The following SH3KBP1 variants were observed in gnomAD, a reference collection of about 807,000 sequenced individuals.
SH3KBP1 encodes SH3 domain-containing kinase-binding protein 1.
SH3KBP1 carries 8 observed loss-of-function variants against 50.1 expected under a neutral mutation model. That is an observed-to-expected ratio of 0.16 (90% CI 0.09 to 0.29). The LOEUF (loss-of-function observed/expected upper bound fraction) is 0.29, where lower values mean the gene tolerates loss of function less well. Ranked by LOEUF, SH3KBP1 falls within the 10% of genes least tolerant of loss-of-function variation. The pLI, the probability that SH3KBP1 is intolerant of heterozygous loss-of-function variation, is 1.00. For missense variants in SH3KBP1, 377 were observed against 535.2 expected (o/e 0.70, Z 2.92); for synonymous variants, 227 against 218.6 (o/e 1.04, Z -0.34).
chrX:19,833,722 TC>T (rs765608398), intron 2 of SH3KBP1, among the ~76,000 whole-genome samples: 87 of 111,221 alleles, frequency 7.8e-4, no homozygotes, highest in African/African-American at 2.6e-3. Context: ...CTTCCCTCCT[TC>T]CCAGGGTCTT....
rs148984724 is a variant in SH3KBP1, at chrX:19,755,435, C to T, written c.163-8994G>A. Reference sequence around the variant, plus strand: ...AATATAACATAGCAAACAACAACAACGACAAAATTCATCAACGAAGACAAA... The same window carrying T: ...AATATAACATAGCAAACAACAACAATGACAAAATTCATCAACGAAGACAAA... On this transcript the variant is annotated intron_variant, in intron 2 of 17. Coordinates refer to ENST00000397821, the MANE Select transcript of SH3KBP1 (RefSeq NM_031892.3). 8.3e-3 allele frequency among the ~76,000 whole-genome samples: 922 copies of T among 111,304 alleles called. 14 individuals are homozygous for T. Among genetic ancestry groups the T allele is most frequent in the African/African-American group, 0.029 (883 of 30,615 alleles).
chrX:19,681,132 CA>C (rs998626655), intron 6 of SH3KBP1, among the ~76,000 whole-genome samples: 1 of 111,531 alleles, frequency 9.0e-6, no homozygotes, highest in Non-Finnish European at 1.9e-5. Context: ...CTCCGATGAA[CA>C]TTTACTTTGA....
intron 1 of SH3KBP1, among the ~76,000 whole-genome samples, chrX:19,868,382 T>C (rs1297430590): frequency 1.8e-5 from 2 of 110,741 alleles, no homozygotes; most frequent in Non-Finnish European, 3.8e-5. Context: ...AAAATATGCT[T>C]TGTTTTTTAG....
At chrX:19,733,236 C>A (rs1355223020) in intron 3 of SH3KBP1, among the ~76,000 whole-genome samples, 1 of 111,042 alleles carries the variant, frequency 9.0e-6, no homozygotes, top group Non-Finnish European at 1.9e-5. Flanking sequence ...AACTTGATGA[C>A]ATGATTTTAA....
intron 13 of SH3KBP1, among the ~76,000 whole-genome samples, chrX:19,567,159 G>A (rs1392146697): frequency 9.2e-6 from 1 of 108,840 alleles, no homozygotes; most frequent in African/African-American, 3.4e-5. Context: ...AGTAACACAA[G>A]GGATCTAGTG....
At chrX:19,595,702 G>C (rs1442198979) in intron 9 of SH3KBP1, among the ~76,000 whole-genome samples, 1 of 110,489 alleles carries the variant, frequency 9.1e-6, no homozygotes, top group Non-Finnish European at 1.9e-5. Flanking sequence ...ACTGGTTCCA[G>C]AGTAGCCAGC....
chrX:19,786,668 C>G (rs1182897438), intron 2 of SH3KBP1, among the ~76,000 whole-genome samples: 1 of 111,861 alleles, frequency 8.9e-6, no homozygotes, highest in Admixed American at 9.5e-5. Flanking sequence ...CACAAACATC[C>G]CCACACAGAA....
chrX:19,764,435 G>A (rs1441504200), intron 2 of SH3KBP1, among the ~76,000 whole-genome samples: 1 of 111,239 alleles, frequency 9.0e-6, no homozygotes, highest in Admixed American at 9.6e-5. Flanking sequence ...CCCTGACTCT[G>A]ACCCCTGTCT....
chrX:19,743,483 T>G (rs1336490774), intron 3 of SH3KBP1, among the ~76,000 whole-genome samples: 1 of 111,450 alleles, frequency 9.0e-6, no homozygotes, highest in Non-Finnish European at 1.9e-5. Flanking sequence ...ATGGAGTCAT[T>G]CCAGTACCCC....
intron 2 of SH3KBP1, among the ~76,000 whole-genome samples, chrX:19,752,258 C>T (rs1303628853): frequency 6.3e-5 from 7 of 111,739 alleles, no homozygotes; most frequent in Non-Finnish European, 1.3e-4. Flanking sequence ...ACCTTGGGGG[C>T]AACACTTAAA....
intron 6 of SH3KBP1, among the ~76,000 whole-genome samples, chrX:19,682,779 T>C (rs1371620127): frequency 1.8e-5 from 2 of 109,720 alleles, no homozygotes; most frequent in Non-Finnish European, 3.8e-5. Context: ...AAAGTTTCCT[T>C]TTCAGATTCT....
At chrX:19,777,909 G>A (rs1226691455) in intron 2 of SH3KBP1, among the ~76,000 whole-genome samples, 2 of 111,204 alleles carry the variant, frequency 1.8e-5, no homozygotes, top group East Asian at 5.7e-4. Context: ...AGGTTCTAAC[G>A]TATGCTCTGG....
chrX:19,719,862 TAATAATAATAATAATAAC>T (rs2064009283), intron 3 of SH3KBP1, among the ~76,000 whole-genome samples: 1 of 102,952 alleles, frequency 9.7e-6, no homozygotes, highest in African/African-American at 3.5e-5. Flanking sequence ...ATAATAATAA[TAATAATAATAATAATAAC>T]AATAATAATA....
intron 6 of SH3KBP1, among the ~76,000 whole-genome samples, chrX:19,674,728 A>G (rs1373747931): frequency 8.9e-6 from 1 of 112,163 alleles, no homozygotes; most frequent in African/African-American, 3.2e-5. Flanking sequence ...ACAAACAGCT[A>G]ACACAGATAT....
intron 6 of SH3KBP1, among the ~76,000 whole-genome samples, chrX:19,669,457 C>T (rs1569405754): frequency 9.1e-6 from 1 of 110,139 alleles, no homozygotes; most frequent in Non-Finnish European, 1.9e-5. Context: ...ATCACAGGAC[C>T]AAGGCAAAAC....
intron 2 of SH3KBP1, among the ~76,000 whole-genome samples, chrX:19,783,116 T>C (rs2066234482): frequency 8.9e-6 from 1 of 111,871 alleles, no homozygotes; most frequent in Non-Finnish European, 1.9e-5. Context: ...CGAGACCCTG[T>C]CTCAAAAACA....
At chrX:19,738,205 T>C (rs1245194925) in intron 3 of SH3KBP1, among the ~76,000 whole-genome samples, 1 of 111,519 alleles carries the variant, frequency 9.0e-6, no homozygotes, top group Non-Finnish European at 1.9e-5. Context: ...TGCTTGTCAG[T>C]CTCCAAGATG....
chrX:19,868,134 C>T (rs768003641), intron 1 of SH3KBP1, among the ~76,000 whole-genome samples: 1 of 112,235 alleles, frequency 8.9e-6, no homozygotes, highest in East Asian at 2.8e-4. Flanking sequence ...CAAGGCGGCT[C>T]TGGCCACGAT....
In SH3KBP1 at chrX:19,656,529, T is replaced by C. The variant is rs557803985; in HGVS notation, c.727-11054A>G. ...GATGGAAAAATTTCCAATTCTATTATGCCCTTAAGTCCACATATATGCATG... is the reference window on the plus strand; with the variant it reads ...GATGGAAAAATTTCCAATTCTATTACGCCCTTAAGTCCACATATATGCATG... On this transcript the variant is annotated intron_variant, in intron 6 of 17. Coordinates refer to ENST00000397821, the MANE Select transcript of SH3KBP1 (RefSeq NM_031892.3). Among the ~76,000 whole-genome samples the C allele has an allele frequency of 5.4e-3, 608 of 112,304 alleles. 2 individuals carry two copies. The highest frequency in any genetic ancestry group is 7.4e-3 in the African/African-American group (230 of 30,967).
Sources: allele counts gnomAD v4.1 joint callset (sites outside exome capture counted in the v4.1 genomes callset), GRCh38; gene constraint gnomAD v4.1.1; transcripts MANE v1.5; gene names NCBI Gene and HGNC (gene_info 2026-07-23, HGNC 2026-07-21).